The following MSI2 variants were observed in gnomAD, a reference collection of about 807,000 sequenced individuals.
MSI2 encodes the protein RNA-binding protein Musashi homolog 2.
In MSI2, 17 loss-of-function variants were observed where a neutral mutation model predicts 45.6. The ratio of observed to expected loss-of-function variants is 0.37; its 90% confidence interval spans 0.26 to 0.56. The LOEUF is 0.56. Among genes scored for constraint, MSI2 ranks in the 20% least tolerant of loss-of-function variants. The pLI is 0.77. For missense variants in MSI2, 293 were observed against 444.2 expected (o/e 0.66, Z 3.06); for synonymous variants, 156 against 158.2 (o/e 0.99, Z 0.11).
intron 5 of MSI2, among the ~76,000 whole-genome samples, chr17:57,371,984 T>TA (rs1460014961): frequency 4.0e-5 from 6 of 151,736 alleles, no homozygotes; most frequent in African/African-American, 1.4e-4. Context: ...AAATTTTTTT[T>TA]ATCTTACATT....
chr17:57,584,730 G>A (rs1281484714), intron 7 of MSI2, among the ~76,000 whole-genome samples: 1 of 151,914 alleles, frequency 6.6e-6, no homozygotes, highest in African/African-American at 2.4e-5. Flanking sequence ...AGGGCGGGGG[G>A]CCAGCATGCC....
chr17:57,495,542 A>AAAAAG (rs1188921447), intron 6 of MSI2, among the ~76,000 whole-genome samples: 3 of 149,016 alleles, frequency 2.0e-5, no homozygotes, highest in Non-Finnish European at 3.0e-5. Flanking sequence ...CAAAAAAAAA[A>AAAAAG]AAAAAAAAAA....
At chr17:57,612,955 C>CCCCAAG (rs1907315984) in intron 8 of MSI2, among the ~76,000 whole-genome samples, 1 of 152,156 alleles carries the variant, frequency 6.6e-6, no homozygotes, top group African/African-American at 2.4e-5. Flanking sequence ...CAGGTTCATG[C>CCCCAAG]AAATGAGATT....
At chr17:57,277,677 C>G (rs953305102) in intron 5 of MSI2, among the ~76,000 whole-genome samples, 2 of 152,184 alleles carry the variant, frequency 1.3e-5, no homozygotes, top group Non-Finnish European at 2.9e-5. Flanking sequence ...GGGGAGTTCA[C>G]TTAACTTTGT....
chr17:57,413,066 T>A lies in MSI2; in HGVS notation c.405+11595T>A, dbSNP rs1299146412. 2.0e-5 allele frequency among the ~76,000 whole-genome samples: 3 copies of A among 152,324 alleles called. No individual in the cohort carries two copies. The East Asian group carries it at 5.8e-4, about 29-fold the overall frequency. On this transcript the variant is annotated intron_variant, in intron 6 of 13. Transcript: ENST00000284073. ...GAAACATGAGCTGGTGGTGTTATTTTCAACGTTGGAGACTCAGGTCCTCTG... is the reference window on the plus strand; with the variant it reads ...GAAACATGAGCTGGTGGTGTTATTTACAACGTTGGAGACTCAGGTCCTCTG...
chr17:57,538,527 G>A (rs929344108), intron 7 of MSI2, among the ~76,000 whole-genome samples: 5 of 152,168 alleles, frequency 3.3e-5, no homozygotes, highest in Admixed American at 6.5e-5. Flanking sequence ...CACCCGCTCT[G>A]TAAGAGTTAA....
intron 6 of MSI2, among the ~76,000 whole-genome samples, chr17:57,424,606 A>C (rs1009913251): frequency 6.6e-6 from 1 of 152,154 alleles, no homozygotes; most frequent in African/African-American, 2.4e-5. Context: ...CCATTAACAC[A>C]TGACTATCTA....
intron 5 of MSI2, among the ~76,000 whole-genome samples, chr17:57,396,538 C>T (rs2083893859): frequency 1.3e-5 from 2 of 152,032 alleles, no homozygotes; most frequent in African/African-American, 4.8e-5. Flanking sequence ...TTTTTTTTAA[C>T]TCAAAAAGCC....
intron 5 of MSI2, among the ~76,000 whole-genome samples, chr17:57,382,346 C>T (rs559916542): frequency 5.3e-5 from 8 of 152,050 alleles, no homozygotes; most frequent in African/African-American, 1.7e-4. Context: ...GAGGTGTGGG[C>T]GGAATTGAAG....
downstream of MSI2, among the ~76,000 whole-genome samples, chr17:57,686,925 G>A (rs1030671446): frequency 3.3e-5 from 5 of 151,984 alleles, no homozygotes; most frequent in Admixed American, 1.3e-4. Context: ...AACCTGATCT[G>A]ATGGCTCTTC....
intron 6 of MSI2, among the ~76,000 whole-genome samples, chr17:57,410,404 G>A (rs946913235): frequency 7.9e-5 from 12 of 152,038 alleles, no homozygotes; most frequent in Admixed American, 2.6e-4. Flanking sequence ...AGCACAGGCC[G>A]GCAAGTGTTA....
At chr17:57,360,323 G>A (rs1006541798) in intron 5 of MSI2, among the ~76,000 whole-genome samples, 1 of 152,248 alleles carries the variant, frequency 6.6e-6, no homozygotes, top group African/African-American at 2.4e-5. Context: ...GGTATAATAG[G>A]TGAAACTTTT....
chr17:57,464,692 G>A (rs1449085599), intron 6 of MSI2, among the ~76,000 whole-genome samples: 1 of 152,124 alleles, frequency 6.6e-6, no homozygotes, highest in Non-Finnish European at 1.5e-5. Flanking sequence ...CTGCCCCTTG[G>A]GACACTCTTT....
intron 7 of MSI2, chr17:57,565,813 C>A (rs1487472926): frequency 6.6e-6 from 1 of 152,134 alleles, no homozygotes; most frequent in Non-Finnish European, 1.5e-5. Flanking sequence ...AGGCAGATGC[C>A]CCCTTCTTGC....
intron 6 of MSI2, among the ~76,000 whole-genome samples, chr17:57,474,921 A>G (rs777236567): frequency 2.0e-5 from 3 of 151,982 alleles, no homozygotes; most frequent in African/African-American, 7.3e-5. Flanking sequence ...GGGTTTTACC[A>G]TGTTGGTCAG....
chr17:57,600,730 C>T (rs1294942475), intron 8 of MSI2: 1 of 152,214 alleles, frequency 6.6e-6, no homozygotes, highest in African/African-American at 2.4e-5. Flanking sequence ...AGGAGGTTAT[C>T]TCCAGGCAGG....
chr17:57,313,517 A>G (rs1333157810), intron 5 of MSI2, among the ~76,000 whole-genome samples: 2 of 152,106 alleles, frequency 1.3e-5, no homozygotes, highest in Non-Finnish European at 2.9e-5. Context: ...AACACCTGGC[A>G]GTTTGCATTT....
intron 6 of MSI2, among the ~76,000 whole-genome samples, chr17:57,411,256 C>T (rs1428601506): frequency 6.6e-6 from 1 of 152,230 alleles, no homozygotes. Context: ...ATCTGCCTGC[C>T]TCAGCCTCCC....
chr17:57,379,814 A>T (rs2083568148), intron 5 of MSI2, among the ~76,000 whole-genome samples: 1 of 152,140 alleles, frequency 6.6e-6, no homozygotes, highest in Non-Finnish European at 1.5e-5. Flanking sequence ...AGGAAGAGGC[A>T]GGCAGTGCTC....
Sources: allele counts gnomAD v4.1 joint callset (sites outside exome capture counted in the v4.1 genomes callset), GRCh38; gene constraint gnomAD v4.1.1; transcripts MANE v1.5; gene names NCBI Gene and HGNC (gene_info 2026-07-23, HGNC 2026-07-21).